PIWIL1: variants seen among roughly 807,000 people sequenced by gnomAD.
PIWIL1 encodes the protein piwi-like protein 1.
PIWIL1 carries 73 observed loss-of-function variants against 114.4 expected under a neutral mutation model. That is an observed-to-expected ratio of 0.64 (90% CI 0.53 to 0.78). The LOEUF is 0.78. PIWIL1 is among the 30% of genes least tolerant of loss of function. The pLI is 0.00. For synonymous variants in PIWIL1, 375 were observed against 369.0 expected, an observed-to-expected ratio of 1.02 and a Z score of -0.19; for missense variants, 723 against 1,063.1, an observed-to-expected ratio of 0.68 and a Z score of 4.45.
the PIWIL1 span, among the ~76,000 whole-genome samples, chr12:130,409,373 C>T: frequency 3.2e-5 from 4 of 124,326 alleles, no homozygotes; most frequent in South Asian, 2.9e-4. Context: ...GATGGACTCT[C>T]GCTCTGTCGC....
chr12:130,378,914 T>C, the PIWIL1 span, among the ~76,000 whole-genome samples: 1 of 152,240 alleles, frequency 6.6e-6, no homozygotes. Flanking sequence ...TTTTGCTTTC[T>C]TAAGTATCAT....
the PIWIL1 span, chr12:130,422,590 A>G: frequency 6.7e-7 from 1 of 1,501,484 alleles, no homozygotes; most frequent in African/African-American, 1.4e-5. This position sits in a 1 kb window ranked among gnomAD's most constrained non-coding sequence, Gnocchi z 5.2. Context: ...CAAAGTCGTA[A>G]GTCTCGCCAG....
chr12:130,424,478 C>T, the PIWIL1 span: 1 of 1,232,166 alleles, frequency 8.1e-7, no homozygotes, highest in Non-Finnish European at 1.0e-6. The surrounding 1 kb of genome is among the most constrained non-coding windows in gnomAD (Gnocchi z 9.8). Flanking sequence ...CGAAGCCAAA[C>T]CGCGACTCGT....
the PIWIL1 span, chr12:130,412,854 T>C: frequency 7.1e-7 from 1 of 1,408,708 alleles, no homozygotes; most frequent in Non-Finnish European, 9.7e-7. Flanking sequence ...ATAGTCCCAC[T>C]GACGGTAAGT....
At chr12:130,366,166 A>G (rs1216480006) in intron 18 of PIWIL1, among the ~76,000 whole-genome samples, 1 of 152,162 alleles carries the variant, frequency 6.6e-6, no homozygotes, top group Non-Finnish European at 1.5e-5. Context: ...GGTGCTAATA[A>G]TCATGTTTAT....
At chr12:130,379,041 A>C in the PIWIL1 span, among the ~76,000 whole-genome samples, 1 of 152,348 alleles carries the variant, frequency 6.6e-6, no homozygotes, top group East Asian at 1.9e-4. Flanking sequence ...TTGAAAATGT[A>C]ATTGTCAAAA....
chr12:130,349,688 C>T (rs762410807), intron 8 of PIWIL1, among the ~76,000 whole-genome samples, 168 bp from the exon 9 acceptor site: 5 of 152,172 alleles, frequency 3.3e-5, no homozygotes, highest in Non-Finnish European at 7.3e-5. Context: ...TAGTCACTTC[C>T]CCCATCCATC....
At chr12:130,405,681 G>A in the PIWIL1 span, among the ~76,000 whole-genome samples, 1 of 151,774 alleles carries the variant, frequency 6.6e-6, no homozygotes, top group Non-Finnish European at 1.5e-5. Context: ...AGGGGTGGGG[G>A]CGGGGTGGGG....
intron 19 of PIWIL1, among the ~76,000 whole-genome samples, chr12:130,368,228 G>A (rs745806238): frequency 1.3e-5 from 2 of 152,288 alleles, no homozygotes; most frequent in East Asian, 1.9e-4. Flanking sequence ...ACAGCGAATC[G>A]TTGGGAGGAC....
At chr12:130,339,356 C>G (rs1337032844) in intron 1 of PIWIL1, 1 of 152,280 alleles carries the variant, frequency 6.6e-6, no homozygotes, top group Non-Finnish European at 1.5e-5. Context: ...AGCCTGTTCT[C>G]TGAGCGCTTT....
the PIWIL1 span, among the ~76,000 whole-genome samples, chr12:130,402,094 C>T: frequency 3.3e-5 from 5 of 152,214 alleles, no homozygotes; most frequent in African/African-American, 4.8e-5. Flanking sequence ...CACGTCAGAA[C>T]GCACATGTAC....
At chr12:130,357,372 A>C in intron 13 of PIWIL1, 109 bp from the exon 14 acceptor site, 2 of 823,412 alleles carry the variant, frequency 2.4e-6, no homozygotes, top group South Asian at 1.7e-5. Flanking sequence ...TCGGTGTTTG[A>C]TTTCATGTTT....
chr12:130,357,100 A>G lies in PIWIL1; in HGVS notation c.1587A>G (p.Ala529=). The G allele has an allele frequency of 6.2e-7, 1 of 1,607,954 alleles. No individual in the cohort carries two copies. The highest frequency in any genetic ancestry group is 8.5e-7 in the Non-Finnish European group (1 of 1,175,562). ...TPAMGMQMRK[A]IMIEVDDRTE... ...CCATGGGCATGCAAATGAGAAAAGCAATAATGTAAGTTAATCAAGTCATTT... is the reference window on the plus strand; with the variant it reads ...CCATGGGCATGCAAATGAGAAAAGCGATAATGTAAGTTAATCAAGTCATTT... Residue 529 remains alanine, a synonymous_variant, in exon 13 of 21, where the codon GCA becomes GCG. Transcript: ENST00000245255.
chr12:130,338,734 T>G (rs191983516), intron 1 of PIWIL1, among the ~76,000 whole-genome samples: 8,763 of 50,598 alleles, frequency 0.17, 1,486 homozygotes, highest in Admixed American at 0.36. Context: ...GGTCCCAGGT[T>G]TGGGAGATGC....
At chr12:130,392,742 G>A in the PIWIL1 span, among the ~76,000 whole-genome samples, 7,499 of 55,946 alleles carry the variant, frequency 0.13, 36 homozygotes, top group East Asian at 0.3. Flanking sequence ...ACGTGTGTCC[G>A]TCAGTTACCT....
chr12:130,354,501 T>C (rs756400104), intron 9 of PIWIL1, 36 bp from the exon 10 acceptor site: 44 of 1,613,266 alleles, frequency 2.7e-5, no homozygotes, highest in Non-Finnish European at 3.6e-5. Flanking sequence ...CTCGAGGCAT[T>C]TGCCGTGAAC....
At chr12:130,353,025 GGGCTTGTAGTAGGT>G (rs1380557807) in intron 9 of PIWIL1, among the ~76,000 whole-genome samples, 4 of 152,214 alleles carry the variant, frequency 2.6e-5, no homozygotes, top group African/African-American at 9.7e-5. Flanking sequence ...TAATTCACGA[GGGCTTGTAGTAGGT>G]GGCCAGGACC....
intron 16 of PIWIL1, 74 bp from the exon 17 acceptor site, chr12:130,362,692 A>G: frequency 7.9e-7 from 1 of 1,269,900 alleles, no homozygotes; most frequent in East Asian, 2.3e-5. Flanking sequence ...AGTGAAATAA[A>G]TATAGAATAA....
the PIWIL1 span, among the ~76,000 whole-genome samples, chr12:130,384,198 AGATG>A: frequency 2.0e-5 from 3 of 152,254 alleles, no homozygotes; most frequent in African/African-American, 7.2e-5. Context: ...ACCCTCAAAC[AGATG>A]TGTGTGTGGC....
Sources: gnomAD v4.1 joint callset for allele counts (sites outside exome capture counted in the v4.1 genomes callset) on GRCh38, gnomAD v4.1.1 for gene constraint, Gnocchi (gnomAD v3.1) non-coding constraint, MANE v1.5 for transcripts, NCBI Gene and HGNC (gene_info 2026-07-23, HGNC 2026-07-21) for gene names.